The following LIN7A variants were observed in gnomAD, a reference collection of about 807,000 sequenced individuals.
LIN7A encodes lin-7 cell polarity scaffold A.
A neutral mutation model predicts 29.8 loss-of-function variants in LIN7A; 25 were observed. That is an observed-to-expected ratio of 0.84 (90% CI 0.61 to 1.17). The LOEUF (loss-of-function observed/expected upper bound fraction) is 1.17, where lower values mean the gene tolerates loss of function less well. Among genes scored for constraint, LIN7A ranks in the 50% most tolerant of loss-of-function variants. LIN7A has a pLI of 0.00. For synonymous variants in LIN7A, 118 were observed against 107.5 expected (o/e 1.10, Z -0.60); for missense variants, 239 against 287.0 (o/e 0.83, Z 1.21).
chr12:80,862,297 T>C (rs1365031112), intron 2 of LIN7A, among the ~76,000 whole-genome samples: 1 of 152,194 alleles, frequency 6.6e-6, no homozygotes, highest in African/African-American at 2.4e-5. Context: ...TATACCTAGG[T>C]CTGACCTCTT....
At chr12:80,901,766 A>C (rs905406695) in intron 1 of LIN7A, among the ~76,000 whole-genome samples, 1 of 152,098 alleles carries the variant, frequency 6.6e-6, no homozygotes, top group Admixed American at 6.5e-5. Flanking sequence ...TGACACTTTG[A>C]TATATAATTC....
intron 5 of LIN7A, among the ~76,000 whole-genome samples, chr12:80,797,971 GAAACATTTCAAATGTA>G (rs1299911149): frequency 2.0e-5 from 3 of 152,314 alleles, no homozygotes; most frequent in Admixed American, 6.5e-5. Flanking sequence ...CACCAGTTTG[GAAACATTTCAAATGTA>G]AAACATTTCC....
At chr12:80,810,556 G>C (rs142633711) in intron 5 of LIN7A, among the ~76,000 whole-genome samples, 1 of 152,112 alleles carries the variant, frequency 6.6e-6, no homozygotes, top group Non-Finnish European at 1.5e-5. Context: ...TTGAACATGG[G>C]AGTGTAAACA....
intron 4 of LIN7A, among the ~76,000 whole-genome samples, chr12:80,838,966 A>G (rs1040807813): frequency 2.6e-5 from 4 of 152,254 alleles, no homozygotes; most frequent in African/African-American, 9.6e-5. Context: ...AACACATTCA[A>G]ACCAAACTCT....
chr12:80,803,461 T>A (rs558807051), intron 5 of LIN7A, among the ~76,000 whole-genome samples: 1 of 152,346 alleles, frequency 6.6e-6, no homozygotes, highest in South Asian at 2.1e-4. Context: ...ATTTCTGGGT[T>A]CTCTAGCTTG....
intron 4 of LIN7A, among the ~76,000 whole-genome samples, chr12:80,818,884 A>G (rs1294794774): frequency 6.6e-6 from 1 of 152,238 alleles, no homozygotes; most frequent in Non-Finnish European, 1.5e-5. Flanking sequence ...TGTTGGTTAG[A>G]TGAGGGAAAT....
At chr12:80,807,073 T>TGTTTTTTG (rs1425570475) in intron 5 of LIN7A, among the ~76,000 whole-genome samples, 2 of 52,626 alleles carry the variant, frequency 3.8e-5, no homozygotes, top group Non-Finnish European at 7.8e-5. Flanking sequence ...GTTTTTTTTT[T>TGTTTTTTG]TTTTTTTTTT....
chr12:80,870,999 T>C (rs1874401361), intron 2 of LIN7A, among the ~76,000 whole-genome samples: 1 of 152,130 alleles, frequency 6.6e-6, no homozygotes, highest in South Asian at 2.1e-4. Flanking sequence ...CTGCTGTAAA[T>C]GTAAAAAGCA....
At chr12:80,884,112 A>G (rs1431748427) in intron 2 of LIN7A, among the ~76,000 whole-genome samples, 1 of 152,238 alleles carries the variant, frequency 6.6e-6, no homozygotes, top group Non-Finnish European at 1.5e-5. Context: ...AAGTTTCTCA[A>G]AATTTTAAAA....
Position 80,796,573 on chromosome 12 carries a change from T to A in LIN7A, c.*1154A>T, listed in dbSNP as rs1870458076. ...AAGCAGCATCTGCCATTCACAATAT[T>A]GATATCACTGGTTTCCACCTGCCCA... On this transcript the variant is annotated 3_prime_UTR_variant, in exon 6 of 6. Transcript: ENST00000552864. 6.6e-6 allele frequency: 1 copy of A among 152,078 alleles called. No homozygotes were observed. The highest frequency in any genetic ancestry group is 2.4e-5 in the African/African-American group (1 of 41,374). The allele number at this position is 152,078 out of a possible 1,614,324, so 9.4% of individuals were successfully genotyped here.
At chr12:80,932,239 T>C (rs1303952990) in intron 1 of LIN7A, among the ~76,000 whole-genome samples, 1 of 152,220 alleles carries the variant, frequency 6.6e-6, no homozygotes, top group Non-Finnish European at 1.5e-5. Context: ...ACCCATGGGA[T>C]AGTTATTTGC....
At chr12:80,902,593 A>G (rs1017968126) in intron 1 of LIN7A, among the ~76,000 whole-genome samples, 1 of 151,984 alleles carries the variant, frequency 6.6e-6, no homozygotes, top group African/African-American at 2.4e-5. Context: ...GGTTAGCTGT[A>G]TTCCTAGGTA....
rs545875039 is a variant in LIN7A at position 80,843,761 on chromosome 12, A to G, written c.483+1969T>C. 3.4e-4 allele frequency among the ~76,000 whole-genome samples: 52 copies of G among 152,270 alleles called. No homozygotes were observed. The East Asian group carries it at 4.0e-3, about 12-fold the overall frequency. On this transcript the variant is annotated intron_variant, in intron 4 of 5. Coordinates refer to ENST00000552864, the MANE Select transcript of LIN7A (RefSeq NM_004664.4). ...AGGGGATTAAAGTTTAGGGGATACT[A>G]ATCCATAATCATATGAATATTGAGT... is the stretch of plus-strand genomic sequence containing the variant.
rs530877505 is a variant in LIN7A, at chr12:80,879,645, CAAAAA to C, written c.201+9601_201+9605del. ...GCCCTGCTGTGTCTATGGAGCAGCC[CAAAAA>C]AAAAAAAAAAAAAAAAAAAAAAGGA... On this transcript the variant is annotated intron_variant, in intron 2 of 5. Transcript: ENST00000552864. Among the ~76,000 whole-genome samples, 182 of 58,732 alleles carry C rather than the reference CAAAAA, an allele frequency of 3.1e-3. 1 individual carries two copies. The highest frequency in any genetic ancestry group is 0.014 in the African/African-American group (158 of 10,924). 38.5% of individuals were successfully genotyped at this position (58,732 alleles called of 152,430 possible).
intron 1 of LIN7A, among the ~76,000 whole-genome samples, chr12:80,897,234 T>C (rs1875954252): frequency 1.3e-5 from 2 of 152,146 alleles, no homozygotes; most frequent in Admixed American, 1.3e-4. Context: ...TGTCTTTCCT[T>C]TATATTTGAT....
intron 4 of LIN7A, among the ~76,000 whole-genome samples, chr12:80,843,318 G>T (rs1306451791): frequency 6.6e-6 from 1 of 152,032 alleles, no homozygotes; most frequent in Non-Finnish European, 1.5e-5. Context: ...AATCTAATAG[G>T]ATTTCTGATT....
intron 2 of LIN7A, among the ~76,000 whole-genome samples, chr12:80,878,754 G>A (rs1032492416): frequency 6.6e-6 from 1 of 152,118 alleles, no homozygotes; most frequent in Non-Finnish European, 1.5e-5. Flanking sequence ...ACAGAGCACG[G>A]ATTGGTCCAT....
At chr12:80,854,076 C>A (rs1022832863) in intron 2 of LIN7A, among the ~76,000 whole-genome samples, 1 of 152,072 alleles carries the variant, frequency 6.6e-6, no homozygotes, top group East Asian at 1.9e-4. Context: ...CAGTTTCCTG[C>A]AAGATTTAAT....
chr12:80,847,732 G>T (rs181515758), intron 3 of LIN7A, among the ~76,000 whole-genome samples: 3 of 152,272 alleles, frequency 2.0e-5, no homozygotes, highest in Non-Finnish European at 4.4e-5. Flanking sequence ...TTAAAGGGCA[G>T]ATGTGGTCAC....
Sources: gnomAD v4.1 joint callset for allele counts (sites outside exome capture counted in the v4.1 genomes callset) on GRCh38, gnomAD v4.1.1 for gene constraint, MANE v1.5 for transcripts, NCBI Gene and HGNC (gene_info 2026-07-23, HGNC 2026-07-21) for gene names.